PPP2R2C: variants seen among roughly 807,000 people sequenced by gnomAD.
PPP2R2C encodes the protein protein phosphatase 2 regulatory subunit Bgamma.
A neutral mutation model predicts 45.3 loss-of-function variants in PPP2R2C; 10 were observed. That is an observed-to-expected ratio of 0.22 (90% CI 0.14 to 0.37). The LOEUF is 0.37. PPP2R2C is among the 10% of genes least tolerant of loss of function. The pLI is 1.00. For missense variants in PPP2R2C, 308 were observed against 619.7 expected, an observed-to-expected ratio of 0.50 and a Z score of 5.34; for synonymous variants, 257 against 245.4, an observed-to-expected ratio of 1.05 and a Z score of -0.44.
intron 2 of PPP2R2C, among the ~76,000 whole-genome samples, chr4:6,534,660 T>G (rs981919341): frequency 6.7e-6 from 1 of 150,124 alleles, no homozygotes; most frequent in African/African-American, 2.5e-5. Flanking sequence ...CCCAAAGAGA[T>G]ACACACCAAC....
chr4:6,337,110 GTGTATA>G (rs1311708837), intron 6 of PPP2R2C, among the ~76,000 whole-genome samples: 744 of 41,444 alleles, frequency 0.018, 43 homozygotes, highest in South Asian at 0.028. Context: ...GTATGTGTGT[GTGTATA>G]TATATATATA....
At chr4:6,394,750 C>T (rs1427583938) in intron 1 of PPP2R2C, among the ~76,000 whole-genome samples, 1 of 152,240 alleles carries the variant, frequency 6.6e-6, no homozygotes, top group Non-Finnish European at 1.5e-5. Flanking sequence ...GTCCCACAGG[C>T]CCTGTCCTCT....
At chr4:6,369,294 TCTA>T in intron 5 of PPP2R2C, among the ~76,000 whole-genome samples, 1 of 152,214 alleles carries the variant, frequency 6.6e-6, no homozygotes, top group Non-Finnish European at 1.5e-5. Flanking sequence ...GACGAAGCAG[TCTA>T]CTACCACAGA....
rs573720604 is a variant in PPP2R2C at position 6,368,514 on chromosome 4, G to A, written c.625+4009C>T. 3.3e-5 allele frequency among the ~76,000 whole-genome samples: 5 copies of A among 152,284 alleles called. No individual in the cohort carries two copies. Among genetic ancestry groups the A allele is most frequent in the African/African-American group, 1.2e-4 (5 of 41,556 alleles). On this transcript the variant is annotated intron_variant, in intron 5 of 8. Coordinates refer to ENST00000382599, the MANE Select transcript of PPP2R2C (RefSeq NM_020416.4). This position sits in a 1 kb window ranked among gnomAD's most constrained non-coding sequence, Gnocchi z 4.2. The stretch of plus-strand genomic sequence containing the variant: ...GTGTGCTCTGCAACATGCGGACAGG[G>A]CACAATCTGTGTGTTCGGGACGGGA...
At chr4:6,396,323 A>G (rs922461150) in intron 1 of PPP2R2C, among the ~76,000 whole-genome samples, 7 of 152,136 alleles carry the variant, frequency 4.6e-5, no homozygotes, top group Admixed American at 4.6e-4. Flanking sequence ...CATGCCTTGT[A>G]CCTTGTGGCC....
upstream of PPP2R2C, among the ~76,000 whole-genome samples, chr4:6,474,487 C>T (rs901890023): frequency 3.9e-5 from 6 of 152,112 alleles, no homozygotes; most frequent in Non-Finnish European, 8.8e-5. Flanking sequence ...CCTCTCTGAT[C>T]ATGGAGAAGT....
At chr4:6,354,124 A>G (rs1023724893) in intron 5 of PPP2R2C, among the ~76,000 whole-genome samples, 10 of 150,380 alleles carry the variant, frequency 6.6e-5, no homozygotes, top group African/African-American at 2.5e-4. Context: ...AGCCCAGGCC[A>G]TCAGCATCTC....
At chr4:6,454,751 C>T (rs1319146830) in intron 1 of PPP2R2C, among the ~76,000 whole-genome samples, 1 of 152,156 alleles carries the variant, frequency 6.6e-6, no homozygotes, top group African/African-American at 2.4e-5. Flanking sequence ...GTGTGGCCTT[C>T]GTCCTGGGAC....
chr4:6,425,281 CCA>C (rs1719221615), intron 1 of PPP2R2C, among the ~76,000 whole-genome samples: 1 of 152,216 alleles, frequency 6.6e-6, no homozygotes, highest in Admixed American at 6.5e-5. Context: ...TCTGACACGT[CCA>C]GTGTGAGCAT....
intron 1 of PPP2R2C, among the ~76,000 whole-genome samples, chr4:6,443,865 C>T (rs1720283622): frequency 1.3e-5 from 2 of 152,030 alleles, no homozygotes; most frequent in African/African-American, 4.8e-5. Context: ...TCAGCCCACA[C>T]AGCCTCTCAG....
rs377286216 is a variant in PPP2R2C, at chr4:6,499,277, G to C, written c.49+35994C>G. Among the ~76,000 whole-genome samples, 3 of 152,318 alleles carry C rather than the reference G, an allele frequency of 2.0e-5. No individual in the cohort carries two copies. In the East Asian group the frequency reaches 5.8e-4, roughly 29 times the overall value. On this transcript the variant is annotated intron_variant, in intron 2 of 9. Transcript: ENST00000506140. ...CCATCTCCAGTCCTCCCAGGTGTCT[G>C]GCTCAGGAAATATTGAGGGAATCAG...
chr4:6,512,569 G>A (rs1341549720), intron 2 of PPP2R2C, among the ~76,000 whole-genome samples: 3 of 115,632 alleles, frequency 2.6e-5, no homozygotes, highest in African/African-American at 3.6e-5. Flanking sequence ...GGTGGTGGTG[G>A]TGATGGTGAT....
At chr4:6,476,966 A>G (rs1457087582), upstream of PPP2R2C, among the ~76,000 whole-genome samples, 1 of 152,144 alleles carries the variant, frequency 6.6e-6, no homozygotes. Context: ...TGTGTACACA[A>G]TTCTGGGAAC....
intron 1 of PPP2R2C, chr4:6,381,879 G>A (rs1275374886): frequency 6.2e-7 from 1 of 1,609,706 alleles, no homozygotes; most frequent in South Asian, 1.1e-5. Flanking sequence ...GTGGGAACTA[G>A]GGGAACACCC....
upstream of PPP2R2C, among the ~76,000 whole-genome samples, chr4:6,477,582 C>T (rs572209548): frequency 1.4e-4 from 22 of 152,024 alleles, no homozygotes; most frequent in South Asian, 2.5e-3. Flanking sequence ...AAAAATTAGC[C>T]GGGCATGGTG....
rs199974730 is a variant in PPP2R2C at position 6,511,023 on chromosome 4, TTGAATGAA to T, written c.49+24240_49+24247del. ...CAAAAAAAAAAACAGAAAATGTTTG[TTGAATGAA>T]TGAATAAGAGGAACTTTATTTGATT... On this transcript the variant is annotated intron_variant, in intron 2 of 9. Transcript: ENST00000506140. Among the ~76,000 whole-genome samples the T allele has an allele frequency of 2.6e-3, 385 of 150,464 alleles. 2 individuals carry two copies. The highest frequency in any genetic ancestry group is 9.2e-3 in the African/African-American group (373 of 40,582).
rs200052893 is a variant in PPP2R2C at position 6,329,389 on chromosome 4, G to A, written c.961-36C>T. The A allele has an allele frequency of 2.0e-4, 312 of 1,564,764 alleles. 1 individual carries two copies. The highest frequency in any genetic ancestry group is 5.6e-4 in the East Asian group (25 of 44,600). ...AAGGGATGAGGTGAGTGGACGGGGCGTCCCGACCATCCTGGCCCTTCCACA... is the reference window on the plus strand; with the variant it reads ...AAGGGATGAGGTGAGTGGACGGGGCATCCCGACCATCCTGGCCCTTCCACA... On this transcript the variant is annotated intron_variant, in intron 7 of 8. Coordinates refer to ENST00000382599, the MANE Select transcript of PPP2R2C (RefSeq NM_020416.4). The surrounding 1 kb of genome is among the most constrained non-coding windows in gnomAD (Gnocchi z 5.8).
chr4:6,325,742 G>C (rs982418895), intron 8 of PPP2R2C, among the ~76,000 whole-genome samples: 1 of 152,166 alleles, frequency 6.6e-6, no homozygotes, highest in African/African-American at 2.4e-5. Flanking sequence ...CATTCAGGCA[G>C]GTTTCTTAAA....
chr4:6,335,329 C>T (rs1732760534), intron 6 of PPP2R2C, among the ~76,000 whole-genome samples: 1 of 152,080 alleles, frequency 6.6e-6, no homozygotes, highest in South Asian at 2.1e-4. Flanking sequence ...GTGGGAGGTG[C>T]TGTTTGACCA....
Sources: allele counts gnomAD v4.1 joint callset (sites outside exome capture counted in the v4.1 genomes callset), GRCh38; gene constraint gnomAD v4.1.1; non-coding constraint Gnocchi (gnomAD v3.1); transcripts MANE v1.5; gene names NCBI Gene and HGNC (gene_info 2026-07-23, HGNC 2026-07-21).